The following ANKAR variants were observed in gnomAD, a reference collection of about 807,000 sequenced individuals.
ANKAR encodes ankyrin and armadillo repeat containing, also known as ankyrin and armadillo repeat-containing protein.
Under a neutral mutation model 146.2 loss-of-function variants are expected in ANKAR, and 136 were observed. The ratio of observed to expected loss-of-function variants is 0.93; its 90% CI spans 0.81 to 1.07. The LOEUF (loss-of-function observed/expected upper bound fraction) is 1.07. Among genes scored for constraint, ANKAR ranks in the 50% least tolerant of loss-of-function variants. The probability of loss-of-function intolerance (pLI) is 0.00; values close to 1 mark genes in which losing one functional copy is unlikely to be tolerated. For missense variants in ANKAR, 1,567 were observed against 1,679.9 expected (o/e 0.93, Z 1.18); for synonymous variants, 500 against 575.8 (o/e 0.87, Z 1.88).
rs756362068 is a variant in ANKAR, at chr2:189,738,562, C to A, written c.3583-3C>A. The A allele has an allele frequency of 6.5e-7, 1 of 1,546,264 alleles. No individual in the cohort carries two copies. Among genetic ancestry groups the A allele is most frequent in the Admixed American group, 1.9e-5 (1 of 53,312 alleles). On this transcript the variant is annotated splice_region_variant and splice_polypyrimidine_tract_variant and intron_variant, in intron 18 of 22. Transcript: ENST00000684021. ...AGACTCTCTGCTTCTTTTCTGTTTT[C>A]AGATTGTTGTACTGGCTAAAGTCAT... is the stretch of plus-strand genomic sequence containing the variant.
intron 18 of ANKAR, among the ~76,000 whole-genome samples, chr2:189,756,016 A>G (rs1318227156): frequency 3.3e-5 from 5 of 152,244 alleles, no homozygotes; most frequent in Non-Finnish European, 5.9e-5. Context: ...CTTAAGAACT[A>G]TAATAACTAA....
intron 18 of ANKAR, chr2:189,752,926 A>C (rs1485964722): frequency 6.2e-7 from 1 of 1,613,736 alleles, no homozygotes; most frequent in Non-Finnish European, 8.5e-7. Flanking sequence ...CATTTGTTAA[A>C]ATTTCCAGAG....
At chr2:189,737,368 T>A (rs1020655881) in intron 17 of ANKAR, among the ~76,000 whole-genome samples, 2 of 149,382 alleles carry the variant, frequency 1.3e-5, no homozygotes, top group African/African-American at 4.9e-5. Context: ...ATTTTTCTCC[T>A]ATTCTTCCTT....
chr2:189,696,785 A>G, intron 7 of ANKAR, among the ~76,000 whole-genome samples: 1 of 152,246 alleles, frequency 6.6e-6, no homozygotes, highest in East Asian at 1.9e-4. Context: ...AGAAATTCAG[A>G]GAACAGCAAT....
At chr2:189,714,242 C>CTG (rs1240817469) in intron 10 of ANKAR, among the ~76,000 whole-genome samples, 4 of 152,196 alleles carry the variant, frequency 2.6e-5, no homozygotes, top group African/African-American at 9.7e-5. Flanking sequence ...GACCTGAACT[C>CTG]AGCTCTGGAC....
intron 20 of ANKAR, among the ~76,000 whole-genome samples, chr2:189,741,696 T>A (rs925975128): frequency 1.3e-5 from 2 of 152,144 alleles, no homozygotes; most frequent in African/African-American, 4.8e-5. Flanking sequence ...TTAATTCCTA[T>A]AAAAATATAC....
At chr2:189,742,223 G>T (rs1033886490) in intron 20 of ANKAR, among the ~76,000 whole-genome samples, 1 of 152,154 alleles carries the variant, frequency 6.6e-6, no homozygotes, top group African/African-American at 2.4e-5. Context: ...GTGGGCCCTA[G>T]AATTTGCATT....
At chr2:189,729,597 A>T (rs1352808295) in intron 15 of ANKAR, among the ~76,000 whole-genome samples, 1 of 150,578 alleles carries the variant, frequency 6.6e-6, no homozygotes, top group Admixed American at 6.7e-5. Flanking sequence ...GTTCTAGTAA[A>T]TGATAATATA....
At chr2:189,761,895 C>T (rs1331249676), downstream of ANKAR, among the ~76,000 whole-genome samples, 1 of 152,026 alleles carries the variant, frequency 6.6e-6, no homozygotes. Flanking sequence ...GCATGCTGTT[C>T]CTACCAAAAG....
chr2:189,704,663 A>G (rs892138031), intron 7 of ANKAR, among the ~76,000 whole-genome samples: 3 of 145,188 alleles, frequency 2.1e-5, no homozygotes, highest in Non-Finnish European at 4.5e-5. Flanking sequence ...TAAACAAGAA[A>G]TAGTTTACCA....
At chr2:189,698,272 T>C (rs1321095332) in intron 7 of ANKAR, among the ~76,000 whole-genome samples, 1 of 152,148 alleles carries the variant, frequency 6.6e-6, no homozygotes, top group African/African-American at 2.4e-5. Context: ...TTTCTACTCA[T>C]AGTTATTTAT....
chr2:189,676,813 C>A lies in ANKAR; in HGVS notation c.323C>A (p.Ala108Asp), dbSNP rs1475947989. ...GTCCATCAAATGATAAGAGAGTTGGCTATTGGAATTTATTGCCTAAATCAA... is the reference window on the plus strand; with the variant it reads ...GTCCATCAAATGATAAGAGAGTTGGATATTGGAATTTATTGCCTAAATCAA... ...REVHQMIREL[A>D]IGIYCLNQIP... The change falls in exon 2 of 23, where the codon GCT becomes GAT. Residue 108 changes from alanine to aspartate, a missense_variant. Coordinates refer to ENST00000684021, the MANE Select transcript of ANKAR (RefSeq NM_001378068.1). 1 of 1,614,138 alleles carries A rather than the reference C, an allele frequency of 6.2e-7. No homozygotes were observed. Among genetic ancestry groups the A allele is most frequent in the Non-Finnish European group, 8.5e-7 (1 of 1,180,014 alleles).
chr2:189,750,744 T>C, downstream of ANKAR: 1 of 907,170 alleles, frequency 1.1e-6, no homozygotes, highest in Non-Finnish European at 1.6e-6. Context: ...ATTCTGATGG[T>C]ATAAATATCA....
intron 21 of ANKAR, among the ~76,000 whole-genome samples, chr2:189,744,233 T>G (rs1355588111): frequency 6.6e-6 from 1 of 152,218 alleles, no homozygotes; most frequent in African/African-American, 2.4e-5. Context: ...AGTACATCTT[T>G]GGAGCCACTT....
In ANKAR at chr2:189,728,071, A is replaced by C. The variant is rs1464072373; in HGVS notation, c.2851A>C (p.Thr951Pro). The C allele has an allele frequency of 6.2e-7, 1 of 1,612,594 alleles. No individual in the cohort carries two copies. The highest frequency in any genetic ancestry group is 2.2e-5 in the East Asian group (1 of 44,862). ...IQKAFLEKSL[T>P]KYLLKLLKAF... is the part of the protein sequence containing the mutation. ...GAAAGCATTTCTGGAAAAATCGTTA[A>C]CTAAATATCTTTTAAAACTCCTAAA... Residue 951 changes from threonine (T) to proline (P), a missense_variant, in exon 13 of 23, where the codon ACT becomes CCT. Coordinates refer to ENST00000684021, the MANE Select transcript of ANKAR (RefSeq NM_001378068.1).
chr2:189,755,516 T>C (rs1198704679), intron 18 of ANKAR: 1 of 1,603,252 alleles, frequency 6.2e-7, no homozygotes, highest in Admixed American at 1.8e-5. Context: ...TTGAATATTT[T>C]CTCTGTGAAG....
In ANKAR at chr2:189,696,356, T is replaced by TAA. The variant is rs2037202025; in HGVS notation, c.1696_1697insAA (p.Thr566LysfsTer19). The TAA allele has an allele frequency of 1.9e-6, 3 of 1,613,514 alleles. No homozygotes were observed. Among genetic ancestry groups the TAA allele is most frequent in the Non-Finnish European group, 2.5e-6 (3 of 1,179,848 alleles). ...TCAAGGTCAACCAGAGGCGCTTTGT[T>TAA]ACGTTCAGCCAAGGTACCATAAAGT... On this transcript the variant is annotated frameshift_variant, in exon 7 of 23. Transcript: ENST00000684021. LOFTEE classifies it high-confidence loss of function.
intron 7 of ANKAR, among the ~76,000 whole-genome samples, chr2:189,698,451 T>C (rs2037568962): frequency 6.6e-6 from 1 of 152,110 alleles, no homozygotes; most frequent in African/African-American, 2.4e-5. Context: ...TAACAATCTG[T>C]GAGGTCTGAG....
intron 22 of ANKAR, 47 bp downstream of exon 22, chr2:189,744,835 CT>C: frequency 7.2e-7 from 1 of 1,385,452 alleles, no homozygotes; most frequent in Admixed American, 1.8e-5. Flanking sequence ...AGCCCAGACA[CT>C]TTATAATTCT....
Sources: gnomAD v4.1 joint callset for allele counts (sites outside exome capture counted in the v4.1 genomes callset) on GRCh38, gnomAD v4.1.1 for gene constraint, MANE v1.5 for transcripts, NCBI Gene and HGNC (gene_info 2026-07-23, HGNC 2026-07-21) for gene names.